The following TEX11 variants were observed in gnomAD, a reference collection of about 807,000 sequenced individuals.
The protein encoded by TEX11 is testis-expressed protein 11.
TEX11 carries 7 observed loss-of-function variants against 84.4 expected under a neutral mutation model. That is an observed-to-expected ratio of 0.08 (90% CI 0.05 to 0.16). The LOEUF (loss-of-function observed/expected upper bound fraction) is 0.16, where lower values mean the gene tolerates loss of function less well. Ranked by LOEUF, TEX11 falls within the 10% of genes least tolerant of loss-of-function variation. The pLI, the probability that TEX11 is intolerant of heterozygous loss-of-function variation, is 1.00. For synonymous variants in TEX11, 264 were observed against 222.8 expected, an observed-to-expected ratio of 1.18 and a Z score of -1.64; for missense variants, 551 against 660.5, an observed-to-expected ratio of 0.83 and a Z score of 1.82.
intron 13 of TEX11, among the ~76,000 whole-genome samples, chrX:70,709,857 T>A (rs1307938823): frequency 9.0e-6 from 1 of 111,294 alleles, no homozygotes; most frequent in Non-Finnish European, 1.9e-5. Context: ...GTATCTCTTA[T>A]GTGACTTCCA....
intron 12 of TEX11, among the ~76,000 whole-genome samples, chrX:70,723,192 CTAT>C (rs914662108): frequency 6.3e-5 from 7 of 111,415 alleles, no homozygotes; most frequent in Admixed American, 3.9e-4. Flanking sequence ...ATGGCAGCTG[CTAT>C]TATTATTCCC....
chrX:70,611,423 A>T lies in TEX11; in HGVS notation c.1752-880T>A, dbSNP rs1384286863. On this transcript the variant is annotated intron_variant, in intron 20 of 29. Coordinates refer to ENST00000374333, the MANE Select transcript of TEX11 (RefSeq NM_031276.3). ...AGTAGGAAAACCTGAAGCGTAACTG[A>T]CAAACCACTGGAGGCTCAGTGTGGA... is the stretch of plus-strand genomic sequence containing the variant. 2.7e-5 allele frequency among the ~76,000 whole-genome samples: 3 copies of T among 111,996 alleles called. No individual in the cohort carries two copies. The Admixed American group carries it at 2.8e-4, about 11-fold the overall frequency.
intron 2 of TEX11, among the ~76,000 whole-genome samples, chrX:70,881,760 C>A (rs1282850800): frequency 1.4e-4 from 15 of 110,646 alleles, no homozygotes; most frequent in Non-Finnish European, 2.6e-4. Flanking sequence ...AAAATTCTAG[C>A]TAAACATAAG....
intron 20 of TEX11, among the ~76,000 whole-genome samples, chrX:70,614,061 C>T (rs1431124870): frequency 9.0e-6 from 1 of 111,630 alleles, no homozygotes; most frequent in Non-Finnish European, 1.9e-5. Flanking sequence ...ACACTGTAGG[C>T]CTTGGGTGAA....
At chrX:70,746,203 G>A (rs139312713) in intron 9 of TEX11, among the ~76,000 whole-genome samples, 283 of 111,303 alleles carry the variant, frequency 2.5e-3, no homozygotes, top group African/African-American at 8.8e-3. Context: ...TCCCTCTCCC[G>A]CCAGCTCCTA....
Position 70,679,329 on chromosome X carries a change from T to G in TEX11, c.1157-440A>C, listed in dbSNP as rs1401180003. 3.6e-5 allele frequency among the ~76,000 whole-genome samples: 4 copies of G among 110,268 alleles called. No individual in the cohort carries two copies. In the East Asian group the frequency reaches 1.2e-3, roughly 32 times the overall value. ...AGCCGCCTGCCTTGGCCTCCCAAAGTGCCGAGATTGCAGCCTCTGCCCGGC... is the reference window on the plus strand; with the variant it reads ...AGCCGCCTGCCTTGGCCTCCCAAAGGGCCGAGATTGCAGCCTCTGCCCGGC... On this transcript the variant is annotated intron_variant, in intron 14 of 29. Coordinates refer to ENST00000374333, the MANE Select transcript of TEX11 (RefSeq NM_031276.3).
Position 70,908,708 on chromosome X carries a change from G to A in TEX11, c.-76C>T, listed in dbSNP as rs1254492090. 2 of 111,317 alleles carry A rather than the reference G, an allele frequency of 1.8e-5. No individual in the cohort carries two copies. Among genetic ancestry groups the A allele is most frequent in the African/African-American group, 3.3e-5 (1 of 30,500 alleles). 9.2% of individuals were successfully genotyped at this position (111,317 alleles called of 1,213,427 possible). On this transcript the variant is annotated 5_prime_UTR_variant, in exon 1 of 30. Transcript: ENST00000374333. The stretch of plus-strand genomic sequence containing the variant: ...TCTCTCCACAACCTCCGTCCACAGC[G>A]CACGAGGACGTTCAGAAAACTCCGC...
intron 16 of TEX11, among the ~76,000 whole-genome samples, chrX:70,656,477 G>A (rs1239302085): frequency 9.0e-6 from 1 of 111,189 alleles, no homozygotes; most frequent in Non-Finnish European, 1.9e-5. Flanking sequence ...CTGGAAATAT[G>A]TGGTAGAGGT....
At chrX:70,638,273 T>C (rs891759621) in intron 17 of TEX11, among the ~76,000 whole-genome samples, 11 of 109,286 alleles carry the variant, frequency 1.0e-4, no homozygotes, top group South Asian at 4.1e-4. Context: ...TATAAAGGAG[T>C]TCCAATAAAG....
At chrX:70,680,693 T>A (rs1364664080) in intron 14 of TEX11, among the ~76,000 whole-genome samples, 2 of 111,884 alleles carry the variant, frequency 1.8e-5, no homozygotes, top group Non-Finnish European at 3.8e-5. Flanking sequence ...CAGACAGGTT[T>A]TCATCATCAA....
At chrX:70,730,893 A>T (rs1363039932) in intron 11 of TEX11, among the ~76,000 whole-genome samples, 1 of 111,931 alleles carries the variant, frequency 8.9e-6, no homozygotes, top group Non-Finnish European at 1.9e-5. Context: ...AATTGACCAC[A>T]TACTTGGAAG....
At chrX:70,561,375 C>T (rs1275563449) in intron 25 of TEX11, among the ~76,000 whole-genome samples, 3 of 96,580 alleles carry the variant, frequency 3.1e-5, no homozygotes, top group African/African-American at 1.1e-4. Context: ...TATCCAACAA[C>T]CATATCAATT....
At chrX:70,743,871 AACACACACACACAC>A (rs60520158) in intron 10 of TEX11, among the ~76,000 whole-genome samples, 4 of 87,737 alleles carry the variant, frequency 4.6e-5, no homozygotes, top group East Asian at 3.8e-4. Flanking sequence ...TCTATCTCAA[AACACACACACACAC>A]ACACACACAC....
intron 8 of TEX11, among the ~76,000 whole-genome samples, chrX:70,832,813 C>T (rs2091383858): frequency 8.9e-6 from 1 of 112,050 alleles, no homozygotes; most frequent in Non-Finnish European, 1.9e-5. Context: ...ATCTCCAAAT[C>T]CCAGTATAGA....
intron 28 of TEX11, among the ~76,000 whole-genome samples, chrX:70,543,416 C>T: frequency 9.0e-6 from 1 of 110,703 alleles, no homozygotes; most frequent in East Asian, 2.8e-4. Context: ...ACAAAATGCA[C>T]AGAGAAATTT....
At chrX:70,526,591 A>G (rs893105532), downstream of TEX11, among the ~76,000 whole-genome samples, 2 of 110,706 alleles carry the variant, frequency 1.8e-5, no homozygotes, top group Non-Finnish European at 3.8e-5. Context: ...AAAGAAAGAA[A>G]AGAAAATGGA....
chrX:70,727,217 C>T (rs774321779), intron 11 of TEX11, among the ~76,000 whole-genome samples: 4 of 111,410 alleles, frequency 3.6e-5, no homozygotes, highest in Admixed American at 1.9e-4. Flanking sequence ...CTTTCCATTA[C>T]AATATGCTGC....
intron 2 of TEX11, among the ~76,000 whole-genome samples, chrX:70,886,467 G>A (rs1356825025): frequency 8.1e-5 from 9 of 111,290 alleles, no homozygotes; most frequent in African/African-American, 2.9e-4. Context: ...ACTAAGCAAC[G>A]GGCATAATGT....
intron 18 of TEX11, among the ~76,000 whole-genome samples, chrX:70,625,629 A>C (rs1374156851): frequency 1.8e-5 from 2 of 110,434 alleles, no homozygotes; most frequent in Admixed American, 1.9e-4. Context: ...CTATAACCAG[A>C]CTATATCACC....
Sources: allele counts gnomAD v4.1 joint callset (sites outside exome capture counted in the v4.1 genomes callset), GRCh38; gene constraint gnomAD v4.1.1; transcripts MANE v1.5; gene names NCBI Gene and HGNC (gene_info 2026-07-23, HGNC 2026-07-21).